The following FBXL13 variants were observed in gnomAD, a reference collection of about 807,000 sequenced individuals.
The protein encoded by FBXL13 is F-box and leucine-rich repeat protein 13.
FBXL13 carries 67 observed loss-of-function variants against 83.6 expected under a neutral mutation model. The ratio of observed to expected loss-of-function variants is 0.80; its 90% CI spans 0.66 to 0.98. The LOEUF (loss-of-function observed/expected upper bound fraction) is 0.98. Ranked by LOEUF, FBXL13 falls within the 50% of genes least tolerant of loss-of-function variation. The pLI is 0.00. For synonymous variants in FBXL13, 272 were observed against 299.5 expected, an observed-to-expected ratio of 0.91 and a Z score of 0.95; for missense variants, 822 against 866.5, an observed-to-expected ratio of 0.95 and a Z score of 0.64.
At chr7:102,899,220 A>C (rs1812666039) in intron 11 of FBXL13, among the ~76,000 whole-genome samples, 2 of 152,198 alleles carry the variant, frequency 1.3e-5, no homozygotes, top group Non-Finnish European at 2.9e-5. Flanking sequence ...GTCTGGAAGT[A>C]TTCTTTTAAA....
At chr7:103,019,539 G>GT (rs1369594206) in intron 6 of FBXL13, among the ~76,000 whole-genome samples, 3 of 152,134 alleles carry the variant, frequency 2.0e-5, no homozygotes, top group African/African-American at 7.2e-5. Context: ...CCAGGAGCTG[G>GT]TTTTTTGAAA....
chr7:102,847,175 C>T (rs1804143137), intron 17 of FBXL13, among the ~76,000 whole-genome samples: 1 of 150,888 alleles, frequency 6.6e-6, no homozygotes. Context: ...AAGCCTAAAA[C>T]AGAAACTACC....
upstream of FBXL13, chr7:103,074,757 C>A (rs924905212): frequency 7.8e-7 from 1 of 1,289,704 alleles, no homozygotes. Context: ...GTTGGCATTG[C>A]GTAGCGAGGC....
intron 16 of FBXL13, among the ~76,000 whole-genome samples, chr7:102,857,149 G>A (rs547555662): frequency 5.3e-5 from 8 of 151,616 alleles, no homozygotes; most frequent in East Asian, 1.9e-4. Context: ...AAAACAGGGG[G>A]AATGCTTCAG....
chr7:102,832,530 A>C (rs532511553), intron 18 of FBXL13, among the ~76,000 whole-genome samples: 1 of 152,362 alleles, frequency 6.6e-6, no homozygotes, highest in South Asian at 2.1e-4. Flanking sequence ...TCCTACAAAT[A>C]CTAAGTTCAT....
At chr7:102,822,302 A>T in intron 18 of FBXL13, 99 bp from the exon 20 acceptor site, 1 of 1,113,168 alleles carries the variant, frequency 9.0e-7, no homozygotes, top group Non-Finnish European at 1.4e-6. Context: ...ACTACCACAG[A>T]CTGTGGCTTA....
intron 8 of FBXL13, among the ~76,000 whole-genome samples, chr7:102,937,306 C>T (rs1820508252): frequency 6.6e-6 from 1 of 150,664 alleles, no homozygotes; most frequent in Admixed American, 6.7e-5. Context: ...TCAAAACCAG[C>T]CTGGCCAAAA....
At position 102,870,371 on chromosome 7, in the gene FBXL13, A is replaced by G. The variant is rs138743542; in HGVS notation, c.1635+7096T>C. Among the ~76,000 whole-genome samples, 24 of 152,314 alleles carry G rather than the reference A, an allele frequency of 1.6e-4. No individual in the cohort carries two copies. The East Asian group carries it at 4.6e-3, about 29-fold the overall frequency. ...GAATCCATAATACAAACCCATTGAT[A>G]TTGCCTTGAAATGATCTAGATTGAG... On this transcript the variant is annotated intron_variant, in intron 16 of 19. Coordinates refer to ENST00000313221, the Ensembl canonical transcript of FBXL13.
intron 11 of FBXL13, among the ~76,000 whole-genome samples, chr7:102,899,403 C>T (rs1205503900): frequency 6.6e-6 from 1 of 152,218 alleles, no homozygotes; most frequent in Non-Finnish European, 1.5e-5. Flanking sequence ...CATATCATCT[C>T]TCCCTCTTGG....
chr7:102,831,431 A>ACACCCCCCC (rs1033135095), intron 18 of FBXL13, among the ~76,000 whole-genome samples: 7 of 147,236 alleles, frequency 4.8e-5, no homozygotes, highest in African/African-American at 1.5e-4. Flanking sequence ...ACACACACAC[A>ACACCCCCCC]CCCCACTACA....
At chr7:102,848,467 A>G (rs1412651847) in intron 17 of FBXL13, among the ~76,000 whole-genome samples, 2 of 87,696 alleles carry the variant, frequency 2.3e-5, no homozygotes, top group Non-Finnish European at 4.0e-5. Context: ...GAGGCAGGAG[A>G]ATGGCGTGAA....
At chr7:102,915,228 C>T (rs1295780539) in intron 10 of FBXL13, among the ~76,000 whole-genome samples, 1 of 150,824 alleles carries the variant, frequency 6.6e-6, no homozygotes, top group East Asian at 1.9e-4. Flanking sequence ...TGCTTGTTCC[C>T]TTTAAAGATG....
chr7:102,848,647 T>C (rs1804607700), intron 17 of FBXL13, among the ~76,000 whole-genome samples: 1 of 148,576 alleles, frequency 6.7e-6, no homozygotes, highest in Non-Finnish European at 1.5e-5. Flanking sequence ...ATTTATATTA[T>C]GCTTCATTCT....
intron 8 of FBXL13, among the ~76,000 whole-genome samples, chr7:102,948,230 A>AT: frequency 6.6e-6 from 1 of 151,034 alleles, no homozygotes; most frequent in East Asian, 2.0e-4. Context: ...TGCCTGGCTA[A>AT]ATTTTATATT....
intron 14 of FBXL13, among the ~76,000 whole-genome samples, chr7:102,880,272 T>C (rs1048488196): frequency 1.3e-5 from 2 of 152,204 alleles, no homozygotes; most frequent in African/African-American, 4.8e-5. Flanking sequence ...CTATTTTAGG[T>C]TTAACTCTTA....
At chr7:102,821,209 C>G (rs922008135) in intron 19 of FBXL13, among the ~76,000 whole-genome samples, 1 of 152,134 alleles carries the variant, frequency 6.6e-6, no homozygotes, top group African/African-American at 2.4e-5. Flanking sequence ...AGAGTTATCT[C>G]CAGACCTATC....
At chr7:102,824,415 T>A (rs1347420369) in intron 18 of FBXL13, among the ~76,000 whole-genome samples, 1 of 152,072 alleles carries the variant, frequency 6.6e-6, no homozygotes, top group African/African-American at 2.4e-5. Flanking sequence ...TGTTCTGGAG[T>A]ATTTCTTGCT....
intron 16 of FBXL13, among the ~76,000 whole-genome samples, chr7:102,860,411 A>C (rs1806633550): frequency 6.6e-6 from 1 of 152,210 alleles, no homozygotes; most frequent in African/African-American, 2.4e-5. Context: ...CAAGTGAAAC[A>C]ATGGGAACAG....
At chr7:102,854,087 C>T (rs866879944) in intron 17 of FBXL13, among the ~76,000 whole-genome samples, 35 of 152,084 alleles carry the variant, frequency 2.3e-4, no homozygotes, top group Middle Eastern at 6.8e-3. Flanking sequence ...TTTATTGTGG[C>T]GCTATTCACA....
Sources: allele counts gnomAD v4.1 joint callset (sites outside exome capture counted in the v4.1 genomes callset), GRCh38; gene constraint gnomAD v4.1.1; transcripts MANE v1.5; gene names NCBI Gene and HGNC (gene_info 2026-07-23, HGNC 2026-07-21).